Variants in CTNND2 observed in about 807,000 individuals in gnomAD.
CTNND2 encodes catenin delta 2.
A neutral mutation model predicts 144.4 loss-of-function variants in CTNND2; 22 were observed. That is an observed-to-expected ratio of 0.15 (90% CI 0.11 to 0.22). The LOEUF is 0.22. Among genes scored for constraint, CTNND2 ranks in the 10% least tolerant of loss-of-function variants. CTNND2 has a pLI of 1.00. For synonymous variants in CTNND2, 751 were observed against 695.6 expected (o/e 1.08, Z -1.25); for missense variants, 1,353 against 1,618.8 (o/e 0.84, Z 2.82).
intron 3 of CTNND2, among the ~76,000 whole-genome samples, chr5:11,560,454 G>T (rs1461143386): frequency 6.6e-6 from 1 of 152,152 alleles, no homozygotes; most frequent in Non-Finnish European, 1.5e-5. Flanking sequence ...TGTTACTGAT[G>T]CCTATGGAAA....
chr5:11,423,846 T>C (rs1485718118), intron 3 of CTNND2, among the ~76,000 whole-genome samples: 4 of 152,188 alleles, frequency 2.6e-5, no homozygotes, highest in Non-Finnish European at 4.4e-5. Flanking sequence ...GTAATGAAAA[T>C]ACAAATGAAT....
chr5:11,432,590 C>T (rs192936917), intron 3 of CTNND2, among the ~76,000 whole-genome samples: 20 of 151,982 alleles, frequency 1.3e-4, no homozygotes, highest in Admixed American at 5.3e-4. Flanking sequence ...GGTGGTGAAG[C>T]GGGAGGGGAT....
intron 3 of CTNND2, among the ~76,000 whole-genome samples, chr5:11,431,165 G>T (rs926427068): frequency 1.3e-5 from 2 of 152,122 alleles, no homozygotes; most frequent in Admixed American, 1.3e-4. Flanking sequence ...TCTTTTGGTG[G>T]AAAGCATTCT....
At chr5:11,119,456 T>C (rs193095131) in intron 12 of CTNND2, among the ~76,000 whole-genome samples, 20 of 152,352 alleles carry the variant, frequency 1.3e-4, no homozygotes, top group Admixed American at 1.0e-3. Context: ...TAAAATTTTA[T>C]AAATTCCATC....
intron 2 of CTNND2, among the ~76,000 whole-genome samples, chr5:11,638,505 C>T (rs754571507): frequency 3.9e-5 from 6 of 152,130 alleles, no homozygotes; most frequent in Non-Finnish European, 7.4e-5. Flanking sequence ...TCTAGAAATT[C>T]CCCTTAAATT....
intron 2 of CTNND2, among the ~76,000 whole-genome samples, chr5:11,675,279 C>G (rs1263515399): frequency 6.6e-6 from 1 of 152,120 alleles, no homozygotes; most frequent in Non-Finnish European, 1.5e-5. Flanking sequence ...TAGCACCAGC[C>G]CAATCCCTGT....
At chr5:11,565,688 C>G (rs1253731222) in intron 2 of CTNND2, among the ~76,000 whole-genome samples, 2 of 152,126 alleles carry the variant, frequency 1.3e-5, no homozygotes, top group Non-Finnish European at 2.9e-5. Flanking sequence ...GACAATTGAA[C>G]CAATGAAAAA....
chr5:11,271,286 C>A (rs1054744193), intron 9 of CTNND2, among the ~76,000 whole-genome samples: 1 of 152,102 alleles, frequency 6.6e-6, no homozygotes, highest in African/African-American at 2.4e-5. Context: ...AAATGACTAT[C>A]AAACATATGT....
intron 18 of CTNND2, among the ~76,000 whole-genome samples, chr5:11,011,110 GC>G (rs1561167570): frequency 6.6e-6 from 1 of 152,244 alleles, no homozygotes; most frequent in Non-Finnish European, 1.5e-5. Flanking sequence ...GAGGGATAAT[GC>G]ATCTGGTTTC....
intron 12 of CTNND2, among the ~76,000 whole-genome samples, chr5:11,143,147 G>A (rs992304126): frequency 3.3e-5 from 5 of 152,146 alleles, no homozygotes; most frequent in Non-Finnish European, 5.9e-5. Context: ...CTAATGTCAT[G>A]CACAGAGGGC....
chr5:11,624,592 A>G (rs1051007016), intron 2 of CTNND2, among the ~76,000 whole-genome samples: 11 of 152,120 alleles, frequency 7.2e-5, no homozygotes, highest in African/African-American at 2.7e-4. Context: ...AATTTCAAGT[A>G]CAAAATTAAA....
At chr5:11,587,304 A>T (rs1016139115) in intron 2 of CTNND2, among the ~76,000 whole-genome samples, 4 of 152,104 alleles carry the variant, frequency 2.6e-5, no homozygotes, top group African/African-American at 9.6e-5. Context: ...ACGCCTTAAA[A>T]ATAAAAAGAT....
chr5:11,020,854 C>G (rs1011086850), intron 17 of CTNND2, among the ~76,000 whole-genome samples: 1 of 150,846 alleles, frequency 6.6e-6, no homozygotes, highest in Non-Finnish European at 1.5e-5. Flanking sequence ...ACTCGTAAAT[C>G]CAGGCTGTTG....
At chr5:11,796,638 G>A (rs1791417332) in intron 1 of CTNND2, among the ~76,000 whole-genome samples, 1 of 152,022 alleles carries the variant, frequency 6.6e-6, no homozygotes, top group South Asian at 2.1e-4. Context: ...CATTTTTAAG[G>A]TAATGAGCCC....
At chr5:11,740,208 C>T (rs1486818132) in intron 1 of CTNND2, among the ~76,000 whole-genome samples, 1 of 152,098 alleles carries the variant, frequency 6.6e-6, no homozygotes, top group African/African-American at 2.4e-5. Context: ...TCATATGGAA[C>T]CAAAAAAGAG....
intron 3 of CTNND2, among the ~76,000 whole-genome samples, chr5:11,509,021 G>T (rs765585026): frequency 2.2e-4 from 34 of 152,172 alleles, no homozygotes; most frequent in Non-Finnish European, 4.1e-4. Context: ...CAATTAAGTT[G>T]CAGGGACTTT....
intron 9 of CTNND2, among the ~76,000 whole-genome samples, chr5:11,272,376 T>G (rs903263998): frequency 2.6e-5 from 4 of 152,202 alleles, no homozygotes; most frequent in Non-Finnish European, 4.4e-5. Flanking sequence ...TAGGAAATTT[T>G]TTTTGAATAT....
At chr5:11,355,050 G>A (rs552191852) in intron 8 of CTNND2, among the ~76,000 whole-genome samples, 3 of 152,044 alleles carry the variant, frequency 2.0e-5, no homozygotes, top group African/African-American at 7.2e-5. Flanking sequence ...TGACAAATGA[G>A]GATGGAAACA....
intron 1 of CTNND2, among the ~76,000 whole-genome samples, chr5:11,894,528 G>A (rs1342158511): frequency 6.6e-6 from 1 of 152,074 alleles, no homozygotes; most frequent in East Asian, 1.9e-4. Context: ...TAGTTTTATA[G>A]GCAAGAAAAT....
Sources: allele counts gnomAD v4.1 joint callset (sites outside exome capture counted in the v4.1 genomes callset), GRCh38; gene constraint gnomAD v4.1.1; transcripts MANE v1.5; gene names NCBI Gene and HGNC (gene_info 2026-07-23, HGNC 2026-07-21).